TYW3: variants seen among roughly 807,000 people sequenced by gnomAD.
The protein encoded by TYW3 is tRNA-yW synthesizing protein 3 homolog, also known as tRNA wybutosine-synthesizing protein 3 homolog.
Under a neutral mutation model 23.1 loss-of-function variants are expected in TYW3, and 26 were observed. The ratio of observed to expected loss-of-function variants is 1.13; its 90% CI spans 0.83 to 1.56. The LOEUF (loss-of-function observed/expected upper bound fraction) is 1.56. Ranked by LOEUF, TYW3 falls within the 40% of genes most tolerant of loss-of-function variation. The pLI, the probability that TYW3 is intolerant of heterozygous loss-of-function variation, is 0.00. For missense variants in TYW3, 316 were observed against 311.9 expected (o/e 1.01, Z -0.10); for synonymous variants, 102 against 105.7 (o/e 0.97, Z 0.21).
intron 3 of TYW3, among the ~76,000 whole-genome samples, chr1:74,743,559 T>C (rs1211323743): frequency 1.3e-5 from 2 of 152,206 alleles, no homozygotes; most frequent in Non-Finnish European, 2.9e-5. Context: ...ATTTTCTTCC[T>C]TTCCCTGAGT....
chr1:74,755,963 G>T (rs1007568477), intron 5 of TYW3, among the ~76,000 whole-genome samples: 1 of 152,140 alleles, frequency 6.6e-6, no homozygotes, highest in Non-Finnish European at 1.5e-5. Flanking sequence ...TCTTGTGATG[G>T]TGCATAAGTC....
At chr1:74,733,445 G>A (rs1161563086) in intron 1 of TYW3, 27 bp downstream of exon 1, 1 of 1,612,044 alleles carries the variant, frequency 6.2e-7, no homozygotes, top group South Asian at 1.1e-5. Flanking sequence ...CCTGTCCATC[G>A]CCTGCCTTCT....
At chr1:74,743,096 A>G (rs1257600398) in intron 3 of TYW3, among the ~76,000 whole-genome samples, 3 of 152,180 alleles carry the variant, frequency 2.0e-5, no homozygotes, top group South Asian at 2.1e-4. Context: ...TCTCTGGGGC[A>G]GTGCACCTTC....
rs550202635 is a variant in TYW3 at position 74,764,314 on chromosome 1, C to T, written c.*201C>T. The T allele has an allele frequency of 4.2e-5, 19 of 457,712 alleles. 1 individual carries two copies. In the South Asian group the frequency reaches 5.3e-4, roughly 13 times the overall value. The allele number at this position is 457,712 out of a possible 1,614,324, so 28.4% of individuals were successfully genotyped here. On this transcript the variant is annotated 3_prime_UTR_variant, in exon 6 of 6. Coordinates refer to ENST00000370867, the MANE Select transcript of TYW3 (RefSeq NM_138467.3). ...TCTCAGCAGTACCCGGCTTATCCTA[C>T]GACTTCACCTGAAATGCTATAGTTA...
At chr1:74,736,689 G>A (rs1477065927) in intron 2 of TYW3, 67 bp downstream of exon 2, 5 of 1,266,366 alleles carry the variant, frequency 3.9e-6, no homozygotes, top group East Asian at 2.5e-5. Flanking sequence ...CATATGACAA[G>A]AATAGAAAAT....
intron 3 of TYW3, among the ~76,000 whole-genome samples, chr1:74,745,104 C>G (rs1367566045): frequency 6.6e-6 from 1 of 151,970 alleles, no homozygotes; most frequent in Non-Finnish European, 1.5e-5. Context: ...GGTGGCCCAT[C>G]TGGAGTTGTT....
intron 3 of TYW3, among the ~76,000 whole-genome samples, chr1:74,740,216 G>A (rs1648303892): frequency 6.6e-6 from 1 of 152,166 alleles, no homozygotes; most frequent in Non-Finnish European, 1.5e-5. Context: ...GCTGACTTCA[G>A]GAGTGAAGCT....
intron 2 of TYW3, 120 bp from the exon 3 acceptor site, chr1:74,738,570 G>GA (rs1205835078): frequency 3.5e-6 from 2 of 570,828 alleles, no homozygotes; most frequent in Admixed American, 7.7e-5. Context: ...AGTTACTGCA[G>GA]AAAAAATATG....
chr1:74,760,839 T>G (rs1258021644), intron 5 of TYW3, among the ~76,000 whole-genome samples: 1 of 152,242 alleles, frequency 6.6e-6, no homozygotes, highest in East Asian at 1.9e-4. Context: ...CAATTCTGTG[T>G]TTTTGTTTGA....
chr1:74,733,242 C>T lies in TYW3; in HGVS notation c.-3C>T. On this transcript the variant is annotated 5_prime_UTR_variant, in exon 1 of 6. Transcript: ENST00000370867. Reference sequence around the variant, plus strand: ...CCGAGCGCAGACCCTGAGTCCGTCACCCATGGATCGCAGCGCGGAGTTCAG... The same window carrying T: ...CCGAGCGCAGACCCTGAGTCCGTCATCCATGGATCGCAGCGCGGAGTTCAG... 9.3e-6 allele frequency: 15 copies of T among 1,613,848 alleles called. No individual in the cohort carries two copies. Among genetic ancestry groups the T allele is most frequent in the Non-Finnish European group, 1.0e-5 (12 of 1,179,872 alleles).
chr1:74,741,800 G>A (rs1418560762), intron 3 of TYW3, among the ~76,000 whole-genome samples: 3 of 152,212 alleles, frequency 2.0e-5, no homozygotes, highest in East Asian at 1.9e-4. Context: ...GGGCAAAAGA[G>A]TAGGCCATGG....
Position 74,764,234 on chromosome 1 carries a change from C to T in TYW3, c.*121C>T, listed in dbSNP as rs565852519. On this transcript the variant is annotated 3_prime_UTR_variant, in exon 6 of 6. Transcript: ENST00000370867. ...ATTCATAAGCCAGTAATGACAAGTG[C>T]AGAGCTTCAAACTATAACTTTGTTG... is the stretch of plus-strand genomic sequence containing the variant. 7.2e-5 allele frequency: 60 copies of T among 834,322 alleles called. No individual in the cohort carries two copies. The African/African-American group carries it at 8.1e-4, about 11-fold the overall frequency. The allele number at this position is 834,322 out of a possible 1,614,324, so 51.7% of individuals were successfully genotyped here.
intron 5 of TYW3, among the ~76,000 whole-genome samples, chr1:74,760,131 T>C (rs1050711978): frequency 6.6e-6 from 1 of 152,188 alleles, no homozygotes; most frequent in African/African-American, 2.4e-5. Flanking sequence ...AGAAAATATA[T>C]TTATTATTCA....
chr1:74,753,098 A>G (rs1648844599), intron 5 of TYW3, among the ~76,000 whole-genome samples: 1 of 152,236 alleles, frequency 6.6e-6, no homozygotes, highest in Non-Finnish European at 1.5e-5. Flanking sequence ...TGTCTTTCAT[A>G]TATGAAAGTA....
At chr1:74,738,410 T>C (rs1648227950) in intron 2 of TYW3, among the ~76,000 whole-genome samples, 1 of 152,202 alleles carries the variant, frequency 6.6e-6, no homozygotes, top group South Asian at 2.1e-4. Context: ...GAAAAATCCG[T>C]TATGGAATTA....
At chr1:74,738,136 T>G (rs1570050977) in intron 2 of TYW3, among the ~76,000 whole-genome samples, 1 of 151,438 alleles carries the variant, frequency 6.6e-6, no homozygotes, top group Non-Finnish European at 1.5e-5. Context: ...AAACTGCAAG[T>G]TGCAATTGTT....
chr1:74,759,921 T>C (rs1447667693), intron 5 of TYW3, among the ~76,000 whole-genome samples: 7 of 152,134 alleles, frequency 4.6e-5, no homozygotes, highest in South Asian at 4.1e-4. Flanking sequence ...TGGGATTACA[T>C]GCATAAGCCA....
At chr1:74,733,497 C>G in intron 1 of TYW3, 79 bp downstream of exon 1, 3 of 1,554,220 alleles carry the variant, frequency 1.9e-6, no homozygotes, top group Non-Finnish European at 2.6e-6. Context: ...CAGTGACGAC[C>G]GGATCCAGCA....
chr1:74,733,272 T>C lies in TYW3; in HGVS notation c.28T>C (p.Trp10Arg), dbSNP rs1413440435. MDRSAEFRK[W>R]KAQCLSKADL... ...GGATCGCAGCGCGGAGTTCAGGAAA[T>C]GGAAGGCGCAATGTTTGAGCAAAGC... The change falls in exon 1 of 6, where the codon TGG becomes CGG. Residue 10 changes from tryptophan to arginine, a missense_variant. Coordinates refer to ENST00000370867, the MANE Select transcript of TYW3 (RefSeq NM_138467.3). 1 of 1,613,940 alleles carries C rather than the reference T, an allele frequency of 6.2e-7. No individual in the cohort carries two copies. Among genetic ancestry groups the C allele is most frequent in the South Asian group, 1.1e-5 (1 of 91,062 alleles).
Sources: allele counts gnomAD v4.1 joint callset (sites outside exome capture counted in the v4.1 genomes callset), GRCh38; gene constraint gnomAD v4.1.1; transcripts MANE v1.5; gene names NCBI Gene and HGNC (gene_info 2026-07-23, HGNC 2026-07-21).